MAPRE1: variants seen among roughly 807,000 people sequenced by gnomAD.
The protein encoded by MAPRE1 is microtubule-associated protein RP/EB family member 1.
A neutral mutation model predicts 32.1 loss-of-function variants in MAPRE1; 5 were observed. That is an observed-to-expected ratio of 0.16 (90% CI 0.08 to 0.33). The LOEUF is 0.33. Among genes scored for constraint, MAPRE1 ranks in the 10% least tolerant of loss-of-function variants. The probability of loss-of-function intolerance (pLI) is 1.00; values close to 1 mark genes in which losing one functional copy is unlikely to be tolerated. For synonymous variants in MAPRE1, 122 were observed against 118.9 expected (o/e 1.03, Z -0.17); for missense variants, 209 against 327.2 (o/e 0.64, Z 2.79).
At chr20:32,825,761 G>A (rs776955281) in intron 1 of MAPRE1, among the ~76,000 whole-genome samples, 164 bp from the exon 2 acceptor site, 1 of 152,110 alleles carries the variant, frequency 6.6e-6, no homozygotes, top group African/African-American at 2.4e-5. Flanking sequence ...CTGCACTCCA[G>A]CCTGGGCGAC....
intron 3 of MAPRE1, among the ~76,000 whole-genome samples, 198 bp from the exon 4 acceptor site, chr20:32,836,436 G>A (rs752727127): frequency 3.2e-4 from 48 of 152,166 alleles, no homozygotes; most frequent in Non-Finnish European, 6.5e-4. Context: ...GAGAGAGTGG[G>A]GAGGGGTTGG....
At chr20:32,838,820 C>A (rs416815) in intron 4 of MAPRE1, among the ~76,000 whole-genome samples, 104,486 of 152,048 alleles carry the variant, frequency 0.69, 38,009 homozygotes, top group East Asian at 1. Context: ...CTGTGGGTGA[C>A]AGGCCTTGTG....
At chr20:32,841,697 C>T (rs1983369019) in intron 5 of MAPRE1, among the ~76,000 whole-genome samples, 1 of 150,174 alleles carries the variant, frequency 6.7e-6, no homozygotes, top group African/African-American at 2.5e-5. Context: ...AGCTCTTATC[C>T]TGGGTGATGG....
At chr20:32,847,695 G>GT (rs1983541509) in intron 6 of MAPRE1, among the ~76,000 whole-genome samples, 2 of 152,218 alleles carry the variant, frequency 1.3e-5, no homozygotes, top group South Asian at 4.1e-4. Flanking sequence ...CACATCTTAA[G>GT]TAAGTTCAGC....
intron 2 of MAPRE1, among the ~76,000 whole-genome samples, chr20:32,833,018 G>A (rs775715478): frequency 1.1e-4 from 17 of 151,588 alleles, no homozygotes; most frequent in African/African-American, 1.9e-4. Flanking sequence ...ATTAAATGAC[G>A]GGTTGGCTGG....
intron 2 of MAPRE1, among the ~76,000 whole-genome samples, chr20:32,830,833 T>C (rs1982998356): frequency 6.6e-6 from 1 of 151,600 alleles, no homozygotes; most frequent in Non-Finnish European, 1.5e-5. Flanking sequence ...CTCACCATTC[T>C]CTGCCTCAGC....
intron 1 of MAPRE1, among the ~76,000 whole-genome samples, chr20:32,823,136 C>G (rs111341189): frequency 6.6e-6 from 1 of 152,164 alleles, no homozygotes; most frequent in Non-Finnish European, 1.5e-5. Context: ...GCAGACCTGG[C>G]AAGTTATTGA....
rs544248690 is a variant in MAPRE1 at position 32,842,610 on chromosome 20, A to G, written c.597+2754A>G. ...AGGTTATTTGATTTATCTAAGGTAT[A>G]CAGATGTTTCTTTTCCTTGCACCCA... is the stretch of plus-strand genomic sequence containing the variant. On this transcript the variant is annotated intron_variant, in intron 5 of 6. Transcript: ENST00000375571. Among the ~76,000 whole-genome samples, 16 of 152,332 alleles carry G rather than the reference A, an allele frequency of 1.1e-4. No homozygotes were observed. The East Asian group carries it at 2.9e-3, about 28-fold the overall frequency.
chr20:32,831,985 A>T (rs1263914380), intron 2 of MAPRE1, among the ~76,000 whole-genome samples: 3 of 150,920 alleles, frequency 2.0e-5, no homozygotes, highest in Non-Finnish European at 4.4e-5. Flanking sequence ...CCCTCAGTGT[A>T]CTTTTGTTGG....
chr20:32,833,231 T>C (rs1601164847), intron 2 of MAPRE1, among the ~76,000 whole-genome samples: 1 of 151,958 alleles, frequency 6.6e-6, no homozygotes, highest in Admixed American at 6.6e-5. Context: ...ATAGGTTAAA[T>C]GTATTTAGAG....
chr20:32,845,833 T>G (rs1277987078), intron 5 of MAPRE1, among the ~76,000 whole-genome samples: 3 of 152,110 alleles, frequency 2.0e-5, no homozygotes, highest in African/African-American at 7.2e-5. Flanking sequence ...ATTTCTCTGG[T>G]CCCTTCTGGC....
intron 6 of MAPRE1, among the ~76,000 whole-genome samples, chr20:32,847,176 C>T (rs1008432732): frequency 7.9e-5 from 12 of 152,276 alleles, no homozygotes; most frequent in African/African-American, 2.4e-4. Flanking sequence ...TTTTTCACGG[C>T]GTGCCCACAT....
intron 5 of MAPRE1, among the ~76,000 whole-genome samples, chr20:32,842,914 T>G (rs1049557846): frequency 6.6e-6 from 1 of 152,170 alleles, no homozygotes; most frequent in Admixed American, 6.5e-5. Context: ...GTCGGTGTTG[T>G]AGAACTTCAA....
chr20:32,824,635 G>A (rs955933473), intron 1 of MAPRE1, among the ~76,000 whole-genome samples: 3 of 151,736 alleles, frequency 2.0e-5, no homozygotes, highest in African/African-American at 7.3e-5. Flanking sequence ...TTAATATCTA[G>A]GTATTGAAAA....
intron 3 of MAPRE1, among the ~76,000 whole-genome samples, chr20:32,836,364 G>A (rs953840847): frequency 2.0e-5 from 3 of 152,202 alleles, no homozygotes; most frequent in African/African-American, 4.8e-5. Context: ...TTGGATGGAT[G>A]TGTGTATGTG....
In MAPRE1 at chr20:32,842,064, T is replaced by TTTTATTTA; in HGVS notation, c.597+2224_597+2231dup. On this transcript the variant is annotated intron_variant, in intron 5 of 6. Coordinates refer to ENST00000375571, the MANE Select transcript of MAPRE1 (RefSeq NM_012325.3). ...ATGGTCATAACAAAAGTAGCCAACA[T>TTTTATTTA]TTTATTTATTTATTTATTTATTTTT... 2.0e-5 allele frequency among the ~76,000 whole-genome samples: 3 copies of TTTTATTTA among 151,824 alleles called. No homozygotes were observed. In the South Asian group the frequency reaches 6.2e-4, roughly 32 times the overall value.
intron 1 of MAPRE1, among the ~76,000 whole-genome samples, chr20:32,824,986 T>C (rs1201309767): frequency 6.6e-6 from 1 of 151,658 alleles, no homozygotes; most frequent in Non-Finnish European, 1.5e-5. Context: ...ATCCTGTCTC[T>C]ACTAAAAATA....
chr20:32,839,217 G>A (rs1983284894), intron 4 of MAPRE1, among the ~76,000 whole-genome samples: 1 of 152,286 alleles, frequency 6.6e-6, no homozygotes, highest in South Asian at 2.1e-4. Flanking sequence ...GAGTTAGGAG[G>A]GACCTAACTT....
At chr20:32,835,715 C>T (rs767131123) in intron 3 of MAPRE1, among the ~76,000 whole-genome samples, 3 of 151,038 alleles carry the variant, frequency 2.0e-5, no homozygotes, top group Non-Finnish European at 4.4e-5. Flanking sequence ...AAGTGATTCT[C>T]GTGCCTCAGC....
Sources: gnomAD v4.1 joint callset for allele counts (sites outside exome capture counted in the v4.1 genomes callset) on GRCh38, gnomAD v4.1.1 for gene constraint, MANE v1.5 for transcripts, NCBI Gene and HGNC (gene_info 2026-07-23, HGNC 2026-07-21) for gene names.